Variants in METTL16 observed in about 807,000 individuals in gnomAD.
The protein encoded by METTL16 is RNA N(6)-adenosine-methyltransferase METTL16.
METTL16 carries 19 observed loss-of-function variants against 57.9 expected under a neutral mutation model. The observed-to-expected ratio is 0.33, with a 90% CI of 0.23 to 0.48. The LOEUF is 0.48. Among genes scored for constraint, METTL16 ranks in the 20% least tolerant of loss-of-function variants. The pLI, the probability that METTL16 is intolerant of heterozygous loss-of-function variation, is 0.99. For synonymous variants in METTL16, 246 were observed against 255.6 expected (o/e 0.96, Z 0.36); for missense variants, 434 against 691.5 (o/e 0.63, Z 4.18).
At chr17:2,461,672 G>A (rs1035959749) in intron 6 of METTL16, among the ~76,000 whole-genome samples, 5 of 151,310 alleles carry the variant, frequency 3.3e-5, no homozygotes, top group Non-Finnish European at 7.4e-5. Flanking sequence ...TGCCTCCCAG[G>A]TTCAAGCAGT....
At chr17:2,425,461 T>A (rs990650878) in intron 8 of METTL16, among the ~76,000 whole-genome samples, 4 of 152,158 alleles carry the variant, frequency 2.6e-5, no homozygotes, top group African/African-American at 9.7e-5. Context: ...AATTACAATG[T>A]GAGAGAAGCC....
chr17:2,506,099 G>C (rs1294847859), intron 1 of METTL16, among the ~76,000 whole-genome samples: 2 of 151,804 alleles, frequency 1.3e-5, no homozygotes, highest in East Asian at 1.9e-4. Context: ...TCCTATGCAG[G>C]TTATTCTTTT....
At chr17:2,471,725 T>C (rs1337954698) in intron 4 of METTL16, among the ~76,000 whole-genome samples, 2 of 151,784 alleles carry the variant, frequency 1.3e-5, no homozygotes, top group Non-Finnish European at 2.9e-5. Context: ...CAGGCGGAGC[T>C]TGCAATGAGC....
chr17:2,499,115 G>A (rs55726510), intron 2 of METTL16, among the ~76,000 whole-genome samples: 4,150 of 151,366 alleles, frequency 0.027, 196 homozygotes, highest in African/African-American at 0.07. Context: ...CACATCCCCC[G>A]GATTCTCCCA....
intron 8 of METTL16, among the ~76,000 whole-genome samples, chr17:2,432,668 G>A (rs1171853163): frequency 2.0e-5 from 3 of 152,096 alleles, no homozygotes; most frequent in Non-Finnish European, 2.9e-5. Flanking sequence ...TGCAACTTCC[G>A]GCATAAATGG....
intron 2 of METTL16, among the ~76,000 whole-genome samples, chr17:2,500,971 G>A (rs1006938187): frequency 6.6e-6 from 1 of 151,994 alleles, no homozygotes; most frequent in African/African-American, 2.4e-5. Flanking sequence ...ACAAAAATTA[G>A]CCAGGCGTGG....
intron 8 of METTL16, among the ~76,000 whole-genome samples, chr17:2,428,949 C>G (rs1470865925): frequency 6.6e-6 from 1 of 152,012 alleles, no homozygotes; most frequent in African/African-American, 2.4e-5. Flanking sequence ...ACCTCTGCCT[C>G]CTGGGTTCAA....
At chr17:2,471,599 C>G (rs2067235903) in intron 4 of METTL16, among the ~76,000 whole-genome samples, 1 of 152,004 alleles carries the variant, frequency 6.6e-6, no homozygotes, top group African/African-American at 2.4e-5. Context: ...ACCATCCTGG[C>G]TAACATAGTG....
At chr17:2,481,399 A>C (rs1044637250) in intron 2 of METTL16, among the ~76,000 whole-genome samples, 1 of 152,176 alleles carries the variant, frequency 6.6e-6, no homozygotes, top group African/African-American at 2.4e-5. Context: ...TAATACCCCT[A>C]ATTATGAAAC....
At chr17:2,436,530 A>G (rs1021396485) in intron 8 of METTL16, 4 of 152,334 alleles carry the variant, frequency 2.6e-5, no homozygotes, top group African/African-American at 9.6e-5. Context: ...AGACTCAGAC[A>G]CACAGCAACA....
intron 6 of METTL16, among the ~76,000 whole-genome samples, chr17:2,462,727 C>A (rs1264088853): frequency 6.6e-6 from 1 of 152,156 alleles, no homozygotes; most frequent in Non-Finnish European, 1.5e-5. Flanking sequence ...CTTCCCCAGC[C>A]GTGCTTCCGG....
rs2066733257 is a variant in METTL16, at chr17:2,418,030, T to TCCA, written c.*1937_*1939dup. The TCCA allele has an allele frequency of 6.6e-6, 1 of 152,104 alleles. No individual in the cohort carries two copies. Among genetic ancestry groups the TCCA allele is most frequent in the Non-Finnish European group, 1.5e-5 (1 of 68,024 alleles). The allele number at this position is 152,104 out of a possible 1,614,324, so 9.4% of individuals were successfully genotyped here. A position where few individuals can be genotyped will look rare whatever the true frequency, so the allele number is the denominator to read the frequency against. ...GCAGAAAATTTCTAGACCAGGGGAA[T>TCCA]CCACGGTCCTGAATTGAGTCTTGGC... On this transcript the variant is annotated 3_prime_UTR_variant, in exon 10 of 10. Coordinates refer to ENST00000263092, the MANE Select transcript of METTL16 (RefSeq NM_024086.4).
chr17:2,498,899 A>G (rs2067466573), intron 2 of METTL16, among the ~76,000 whole-genome samples: 1 of 151,480 alleles, frequency 6.6e-6, no homozygotes, highest in Non-Finnish European at 1.5e-5. Context: ...TCTCTTGTCC[A>G]CTGCACCCCA....
chr17:2,465,108 T>C (rs898948563), intron 5 of METTL16, among the ~76,000 whole-genome samples: 1 of 152,256 alleles, frequency 6.6e-6, no homozygotes, highest in East Asian at 1.9e-4. Flanking sequence ...GCAAAAGATA[T>C]GAATAAGCAT....
At chr17:2,424,947 CAA>C (rs564839145) in intron 8 of METTL16, among the ~76,000 whole-genome samples, 10 of 99,590 alleles carry the variant, frequency 1.0e-4, no homozygotes, top group African/African-American at 1.5e-4. Flanking sequence ...GACTCCGTCT[CAA>C]AAAAAAAAAA....
intron 1 of METTL16, among the ~76,000 whole-genome samples, chr17:2,506,956 G>A (rs185676660): frequency 6.6e-6 from 1 of 151,316 alleles, no homozygotes; most frequent in Non-Finnish European, 1.5e-5. Flanking sequence ...GAAGTGAGGA[G>A]ACCCTCTGCC....
intron 8 of METTL16, among the ~76,000 whole-genome samples, chr17:2,425,219 A>C (rs1364975075): frequency 6.6e-6 from 1 of 152,218 alleles, no homozygotes; most frequent in African/African-American, 2.4e-5. Flanking sequence ...TTTTTCCCCA[A>C]TTGAAATGAT....
chr17:2,476,557 T>C (rs1280569715), intron 3 of METTL16, among the ~76,000 whole-genome samples: 1 of 152,172 alleles, frequency 6.6e-6, no homozygotes, highest in Non-Finnish European at 1.5e-5. Context: ...GATCAATAAA[T>C]GCCGCTGAAA....
intron 8 of METTL16, among the ~76,000 whole-genome samples, chr17:2,434,088 T>A (rs922900379): frequency 5.3e-5 from 8 of 152,342 alleles, no homozygotes; most frequent in African/African-American, 1.9e-4. Flanking sequence ...AGAAGAAAAG[T>A]AACTAAGAAG....
Sources: gnomAD v4.1 joint callset for allele counts (sites outside exome capture counted in the v4.1 genomes callset) on GRCh38, gnomAD v4.1.1 for gene constraint, MANE v1.5 for transcripts, NCBI Gene and HGNC (gene_info 2026-07-23, HGNC 2026-07-21) for gene names.